CFAP251: variants seen among roughly 807,000 people sequenced by gnomAD.
CFAP251 encodes the protein cilia- and flagella-associated protein 251.
In CFAP251, 93 loss-of-function variants were observed where a neutral mutation model predicts 126.7. The ratio of observed to expected loss-of-function variants is 0.73; its 90% CI spans 0.62 to 0.87. CFAP251 has a LOEUF of 0.87. CFAP251 is among the 40% of genes least tolerant of loss of function. The pLI is 0.00. For missense variants in CFAP251, 1,287 were observed against 1,389.2 expected, an observed-to-expected ratio of 0.93 and a Z score of 1.17; for synonymous variants, 503 against 506.9, an observed-to-expected ratio of 0.99 and a Z score of 0.10.
intron 15 of CFAP251, 125 bp downstream of exon 15, chr12:121,962,287 A>G (rs938979883): frequency 4.7e-6 from 4 of 850,148 alleles, no homozygotes; most frequent in East Asian, 5.0e-5. Context: ...TTTGCTTTGC[A>G]GAGGAGGAGA....
chr12:121,934,414 G>A, intron 5 of CFAP251, 58 bp downstream of exon 5: 1 of 1,311,212 alleles, frequency 7.6e-7, no homozygotes, highest in Non-Finnish European at 1.1e-6. Flanking sequence ...ATCTGCCACT[G>A]TGTGACAGTG....
Position 122,001,524 on chromosome 12 carries a change from T to A in CFAP251, c.3263T>A (p.Leu1088Ter), listed in dbSNP as rs1331883890. Residue 1088 changes from leucine to a stop codon, truncating the protein, a stop_gained, in exon 21 of 22, where the codon TTG (leucine) becomes TAG (stop). Transcript: ENST00000288912. LOFTEE classifies it high-confidence loss of function. ...KGEHMTEEEM[L>*]DCFASLFGLN... Reference sequence around the variant, plus strand: ...GAGCATATGACGGAGGAGGAGATGTTGGATTGCTTTGCTTCACTGTTTGGC... The same window carrying A: ...GAGCATATGACGGAGGAGGAGATGTAGGATTGCTTTGCTTCACTGTTTGGC... 1.2e-6 allele frequency: 2 copies of A among 1,614,050 alleles called. No homozygotes were observed. Among genetic ancestry groups the A allele is most frequent in the Non-Finnish European group, 1.7e-6 (2 of 1,180,034 alleles).
intron 19 of CFAP251, among the ~76,000 whole-genome samples, chr12:121,983,059 C>T (rs766625032): frequency 1.3e-5 from 2 of 152,142 alleles, no homozygotes; most frequent in African/African-American, 2.4e-5. Flanking sequence ...TAAGGAGACC[C>T]GTCTCTGCTA....
At chr12:121,919,657 A>G (rs186422339) in intron 1 of CFAP251, among the ~76,000 whole-genome samples, 176 of 152,288 alleles carry the variant, frequency 1.2e-3, no homozygotes, top group African/African-American at 3.8e-3. Flanking sequence ...ATGGGATTCA[A>G]TGCTAGGACA....
intron 19 of CFAP251, among the ~76,000 whole-genome samples, chr12:121,983,157 G>A (rs754900648): frequency 6.6e-6 from 1 of 152,112 alleles, no homozygotes; most frequent in Admixed American, 6.6e-5. Flanking sequence ...GATCGCTTGC[G>A]CACAGGAGAT....
intron 3 of CFAP251, among the ~76,000 whole-genome samples, chr12:121,930,369 C>A (rs1223729192): frequency 1.3e-5 from 2 of 151,892 alleles, no homozygotes; most frequent in African/African-American, 2.4e-5. Context: ...TGCCTGTACT[C>A]CAAGCTACTC....
At chr12:121,964,727 C>T (rs1037538761) in intron 15 of CFAP251, among the ~76,000 whole-genome samples, 2 of 151,310 alleles carry the variant, frequency 1.3e-5, no homozygotes, top group Non-Finnish European at 2.9e-5. Context: ...TGGTGAAACC[C>T]TGTCTCTACT....
At position 121,999,438 on chromosome 12, in the gene CFAP251, C is replaced by T. The variant is rs758988006; in HGVS notation, c.3007-278C>T. The T allele has an allele frequency of 5.3e-5, 11 of 206,596 alleles. 1 individual carries two copies. The highest frequency in any genetic ancestry group is 4.5e-4 in the Admixed American group (8 of 17,758). 12.8% of individuals were successfully genotyped at this position (206,596 alleles called of 1,614,324 possible). ...TTGCCCAGGCTGGAGTGCAGTGGCACGTTCTTGGCTCACTGTAACCTCAAC... is the reference window on the plus strand; with the variant it reads ...TTGCCCAGGCTGGAGTGCAGTGGCATGTTCTTGGCTCACTGTAACCTCAAC... On this transcript the variant is annotated intron_variant, in intron 19 of 21. Coordinates refer to ENST00000288912, the MANE Select transcript of CFAP251 (RefSeq NM_144668.6).
At chr12:121,984,227 G>C (rs978230688) in intron 19 of CFAP251, among the ~76,000 whole-genome samples, 1 of 152,072 alleles carries the variant, frequency 6.6e-6, no homozygotes, top group Non-Finnish European at 1.5e-5. Flanking sequence ...CCCTTCTTTC[G>C]CAGAAAGCTG....
intron 19 of CFAP251, among the ~76,000 whole-genome samples, chr12:121,993,194 C>T (rs1882920574): frequency 7.0e-6 from 1 of 143,138 alleles, no homozygotes; most frequent in African/African-American, 2.7e-5. Flanking sequence ...GTCTCCAGCC[C>T]CTAACCGCGA....
chr12:121,974,512 C>T lies in CFAP251; in HGVS notation c.2772-732C>T, dbSNP rs776511462. Among the ~76,000 whole-genome samples, 1 of 152,096 alleles carries T rather than the reference C, an allele frequency of 6.6e-6. No homozygotes were observed. Among genetic ancestry groups the T allele is most frequent in the Non-Finnish European group, 1.5e-5 (1 of 68,028 alleles). ...TAGAGCCGGGACTTGCACACATGTCCGTGTGACTCCACACTCTGGACACTT... is the reference window on the plus strand; with the variant it reads ...TAGAGCCGGGACTTGCACACATGTCTGTGTGACTCCACACTCTGGACACTT... On this transcript the variant is annotated intron_variant, in intron 17 of 21. Transcript: ENST00000288912. This position sits in a 1 kb window ranked among gnomAD's most constrained non-coding sequence, Gnocchi z 4.6.
chr12:121,943,936 T>G (rs11043256), intron 7 of CFAP251, among the ~76,000 whole-genome samples: 31,581 of 152,102 alleles, frequency 0.21, 6,968 homozygotes, highest in African/African-American at 0.55. Context: ...ATCACCCACC[T>G]GGCAGTCTTT....
intron 17 of CFAP251, 135 bp downstream of exon 17, chr12:121,968,304 C>T (rs934952475): frequency 1.9e-5 from 15 of 794,470 alleles, no homozygotes; most frequent in Admixed American, 3.1e-5. Flanking sequence ...GGTTGCTCCC[C>T]GGTGGCATTG....
chr12:121,968,589 G>A (rs1258527444), intron 17 of CFAP251, among the ~76,000 whole-genome samples: 1 of 152,132 alleles, frequency 6.6e-6, no homozygotes, highest in Non-Finnish European at 1.5e-5. Context: ...CGAGGCTGGA[G>A]AATTCTAGAG....
At chr12:121,968,995 T>C (rs956899435) in intron 17 of CFAP251, 2 of 985,188 alleles carry the variant, frequency 2.0e-6, no homozygotes, top group Admixed American at 1.2e-4. Context: ...GAGTCAACCA[T>C]GTGGCAGCCG....
chr12:121,998,435 AT>A (rs1883070697), intron 19 of CFAP251: 12 of 310 alleles, frequency 0.039, no homozygotes, highest in Admixed American at 0.038. Context: ...TTAGTGTAAT[AT>A]ATATATATAT....
chr12:121,996,019 T>C (rs1185274834), intron 19 of CFAP251, among the ~76,000 whole-genome samples: 2 of 152,238 alleles, frequency 1.3e-5, no homozygotes, highest in Non-Finnish European at 2.9e-5. Flanking sequence ...TTCTTGATAC[T>C]TGAGGCCAGA....
intron 17 of CFAP251, chr12:121,969,935 C>A: frequency 5.1e-6 from 5 of 985,426 alleles, no homozygotes; most frequent in Non-Finnish European, 4.8e-6. Flanking sequence ...GTGGTGGGGA[C>A]AAAGGATCAT....
chr12:121,978,532 T>C (rs1405570265), intron 19 of CFAP251, among the ~76,000 whole-genome samples: 2 of 151,650 alleles, frequency 1.3e-5, no homozygotes, highest in East Asian at 3.9e-4. Context: ...ATCATCACTG[T>C]TATTATTTTG....
Sources: gnomAD v4.1 joint callset for allele counts (sites outside exome capture counted in the v4.1 genomes callset) on GRCh38, gnomAD v4.1.1 for gene constraint, Gnocchi (gnomAD v3.1) non-coding constraint, MANE v1.5 for transcripts, NCBI Gene and HGNC (gene_info 2026-07-23, HGNC 2026-07-21) for gene names.